Variants in MORC1 observed in about 807,000 individuals in gnomAD.
The protein encoded by MORC1 is MORC family CW-type zinc finger 1.
MORC1 carries 59 observed loss-of-function variants against 134.9 expected under a neutral mutation model. That is an observed-to-expected ratio of 0.44 (90% CI 0.35 to 0.54). The LOEUF (loss-of-function observed/expected upper bound fraction) is 0.54, where lower values mean the gene tolerates loss of function less well. Among genes scored for constraint, MORC1 ranks in the 20% least tolerant of loss-of-function variants. The pLI is 0.00. For synonymous variants in MORC1, 395 were observed against 391.7 expected (o/e 1.01, Z -0.10); for missense variants, 947 against 1,134.5 (o/e 0.83, Z 2.37).
intron 14 of MORC1, among the ~76,000 whole-genome samples, chr3:109,048,542 T>C (rs1266918482): frequency 6.6e-6 from 1 of 152,154 alleles, no homozygotes; most frequent in Non-Finnish European, 1.5e-5. Flanking sequence ...ATCTCCCATA[T>C]GTATTAGTTT....
intron 6 of MORC1, among the ~76,000 whole-genome samples, chr3:109,096,213 G>C (rs1320932228): frequency 2.0e-5 from 3 of 152,208 alleles, no homozygotes; most frequent in Non-Finnish European, 1.5e-5. Flanking sequence ...AAAATTCAGT[G>C]AAAGTGTCAG....
chr3:109,055,154 G>A (rs1453717946), intron 13 of MORC1, among the ~76,000 whole-genome samples: 2 of 152,138 alleles, frequency 1.3e-5, no homozygotes, highest in African/African-American at 2.4e-5. Context: ...CGTGGAGAGT[G>A]AGGGTGGGTG....
chr3:109,059,797 G>T lies in MORC1; in HGVS notation c.1031+9C>A, dbSNP rs143427863. On this transcript the variant is annotated intron_variant, in intron 12 of 27. Transcript: ENST00000232603. Reference sequence around the variant, plus strand: ...AGGATTCCTGCAAACAGAAAACCTTGTGTCTTACCTTTGTTTCTCTTTAAG... The same window carrying T: ...AGGATTCCTGCAAACAGAAAACCTTTTGTCTTACCTTTGTTTCTCTTTAAG... 461 of 1,609,436 alleles carry T rather than the reference G, an allele frequency of 2.9e-4. 4 individuals are homozygous for T. The African/African-American group carries it at 5.7e-3, about 20-fold the overall frequency.
intron 23 of MORC1, among the ~76,000 whole-genome samples, chr3:108,980,414 T>A: frequency 6.6e-6 from 1 of 152,156 alleles, no homozygotes; most frequent in Non-Finnish European, 1.5e-5. Context: ...CTAACTCAAC[T>A]GCCCAGTAGA....
At chr3:109,106,844 C>T (rs1951051561) in intron 3 of MORC1, among the ~76,000 whole-genome samples, 1 of 152,186 alleles carries the variant, frequency 6.6e-6, no homozygotes, top group Non-Finnish European at 1.5e-5. Context: ...AGCCAGTCTT[C>T]CATCAGTCGT....
chr3:108,986,083 G>C (rs569925430), intron 22 of MORC1, among the ~76,000 whole-genome samples: 1 of 152,166 alleles, frequency 6.6e-6, no homozygotes, highest in South Asian at 2.1e-4. Context: ...ATAAAGAAAA[G>C]GATTGGGAAT....
At chr3:109,071,980 T>C (rs938520916) in intron 8 of MORC1, among the ~76,000 whole-genome samples, 2 of 152,196 alleles carry the variant, frequency 1.3e-5, no homozygotes, top group African/African-American at 4.8e-5. Context: ...AGACACCTGC[T>C]ATGTTAACCC....
chr3:108,978,895 C>T (rs1216835482), intron 24 of MORC1, among the ~76,000 whole-genome samples: 1 of 152,082 alleles, frequency 6.6e-6, no homozygotes, highest in East Asian at 1.9e-4. Context: ...GTGCTACCAG[C>T]CCCACCTCCC....
At chr3:109,080,927 G>C (rs1950508748) in intron 8 of MORC1, among the ~76,000 whole-genome samples, 1 of 152,066 alleles carries the variant, frequency 6.6e-6, no homozygotes, top group South Asian at 2.1e-4. Context: ...TTAGTTTATA[G>C]TACTGATTTA....
chr3:108,964,407 T>C (rs1947161310), intron 26 of MORC1, among the ~76,000 whole-genome samples: 1 of 152,222 alleles, frequency 6.6e-6, no homozygotes, highest in African/African-American at 2.4e-5. Flanking sequence ...TTCTGCATTC[T>C]AACATGACTG....
chr3:109,104,560 T>C (rs1424041359), intron 3 of MORC1, among the ~76,000 whole-genome samples: 1 of 152,146 alleles, frequency 6.6e-6, no homozygotes, highest in Admixed American at 6.5e-5. Context: ...GTGTGGTGAC[T>C]TATGCCTATA....
chr3:109,025,834 A>C (rs1166951420), intron 17 of MORC1, among the ~76,000 whole-genome samples: 1 of 152,234 alleles, frequency 6.6e-6, no homozygotes, highest in Non-Finnish European at 1.5e-5. Flanking sequence ...CTTGATCCAC[A>C]AAAAGACTGT....
chr3:109,096,984 G>A (rs904450727), intron 6 of MORC1, among the ~76,000 whole-genome samples: 4 of 152,106 alleles, frequency 2.6e-5, no homozygotes. Context: ...CAAAAGGATA[G>A]AAAAGAGAAT....
intron 22 of MORC1, among the ~76,000 whole-genome samples, chr3:108,984,993 A>G (rs572109643): frequency 3.3e-4 from 50 of 152,356 alleles, no homozygotes; most frequent in Non-Finnish European, 4.6e-4. Flanking sequence ...TAGTATATAT[A>G]GTTATCCAAG....
chr3:109,047,111 C>A (rs1002902145), intron 14 of MORC1, among the ~76,000 whole-genome samples: 1 of 152,162 alleles, frequency 6.6e-6, no homozygotes, highest in Non-Finnish European at 1.5e-5. Flanking sequence ...TGCTTTATTA[C>A]AGGGAAGTGA....
At chr3:108,993,933 C>T (rs1037317816) in intron 21 of MORC1, among the ~76,000 whole-genome samples, 5 of 152,148 alleles carry the variant, frequency 3.3e-5, no homozygotes, top group African/African-American at 2.4e-5. Flanking sequence ...AACCTAGACA[C>T]GGTAGCAACT....
intron 24 of MORC1, among the ~76,000 whole-genome samples, chr3:108,976,149 G>T (rs1335394031): frequency 6.6e-6 from 1 of 152,124 alleles, no homozygotes; most frequent in Non-Finnish European, 1.5e-5. Context: ...TAATGAGTAT[G>T]TACAGTAAAA....
intron 8 of MORC1, among the ~76,000 whole-genome samples, chr3:109,085,832 C>T (rs538120861): frequency 8.6e-5 from 13 of 151,952 alleles, no homozygotes; most frequent in Non-Finnish European, 1.3e-4. Flanking sequence ...AGCCAAAATA[C>T]GGAATCAACC....
chr3:108,970,738 T>G (rs185959998), intron 25 of MORC1, among the ~76,000 whole-genome samples: 5 of 152,320 alleles, frequency 3.3e-5, no homozygotes, highest in East Asian at 1.9e-4. Flanking sequence ...GTCAGGCATG[T>G]GCACCTCACT....
Sources: allele counts gnomAD v4.1 joint callset (sites outside exome capture counted in the v4.1 genomes callset), GRCh38; gene constraint gnomAD v4.1.1; transcripts MANE v1.5; gene names NCBI Gene and HGNC (gene_info 2026-07-23, HGNC 2026-07-21).